RBFOX3: variants seen among roughly 807,000 people sequenced by gnomAD.
RBFOX3 encodes the protein RNA binding protein fox-1 homolog 3.
RBFOX3 carries 17 observed loss-of-function variants against 48.7 expected under a neutral mutation model. The observed-to-expected ratio is 0.35, with a 90% CI of 0.24 to 0.52. The LOEUF is 0.52. Among genes scored for constraint, RBFOX3 ranks in the 20% least tolerant of loss-of-function variants. The probability of loss-of-function intolerance (pLI) is 0.94; values close to 1 mark genes in which losing one functional copy is unlikely to be tolerated. For missense variants in RBFOX3, 382 were observed against 497.5 expected, an observed-to-expected ratio of 0.77 and a Z score of 2.21; for synonymous variants, 212 against 209.5, an observed-to-expected ratio of 1.01 and a Z score of -0.10.
chr17:79,463,895 T>C (rs2075957198), intron 2 of RBFOX3, among the ~76,000 whole-genome samples: 1 of 119,018 alleles, frequency 8.4e-6, no homozygotes, highest in Non-Finnish European at 1.7e-5. Context: ...ACCATCGCCA[T>C]CACCACTGCC....
chr17:79,412,277 C>A (rs189324109), intron 2 of RBFOX3, among the ~76,000 whole-genome samples: 5 of 148,268 alleles, frequency 3.4e-5, no homozygotes, highest in African/African-American at 7.5e-5. Flanking sequence ...GGTATGTGTG[C>A]GTGTATGAAC....
At chr17:79,658,725 G>A in the RBFOX3 span, among the ~76,000 whole-genome samples, 4 of 152,096 alleles carry the variant, frequency 2.6e-5, no homozygotes, top group Non-Finnish European at 1.5e-5. Flanking sequence ...ACCGAGTGCT[G>A]CACTGTCATC....
chr17:79,521,492 A>T (rs1763108681), intron 1 of RBFOX3, among the ~76,000 whole-genome samples: 1 of 152,008 alleles, frequency 6.6e-6, no homozygotes, highest in Non-Finnish European at 1.5e-5. Context: ...ATTCACACAC[A>T]CACGCAGATA....
At chr17:79,325,468 T>C (rs1301458188) in intron 2 of RBFOX3, among the ~76,000 whole-genome samples, 5 of 152,142 alleles carry the variant, frequency 3.3e-5, no homozygotes, top group Admixed American at 3.3e-4. Context: ...CCCAGTTAGT[T>C]ACATTTTCCC....
At chr17:79,178,681 G>C (rs1372583258) in intron 4 of RBFOX3, among the ~76,000 whole-genome samples, 1 of 152,232 alleles carries the variant, frequency 6.6e-6, no homozygotes, top group Non-Finnish European at 1.5e-5. Context: ...AGCTACTTCA[G>C]TAACCAAATG....
intron 1 of RBFOX3, among the ~76,000 whole-genome samples, chr17:79,499,755 G>A (rs2082129325): frequency 6.6e-6 from 1 of 152,238 alleles, no homozygotes; most frequent in Non-Finnish European, 1.5e-5. Context: ...CGTGTATCCA[G>A]AATGCTTGCT....
At chr17:79,266,609 G>A (rs1322157432) in intron 3 of RBFOX3, among the ~76,000 whole-genome samples, 1 of 152,052 alleles carries the variant, frequency 6.6e-6, no homozygotes, top group African/African-American at 2.4e-5. Flanking sequence ...ATGACTCTTG[G>A]TGGCCCCTAG....
chr17:79,594,887 G>T (rs2093527591), intron 1 of RBFOX3, among the ~76,000 whole-genome samples: 1 of 152,130 alleles, frequency 6.6e-6, no homozygotes, highest in East Asian at 1.9e-4. Context: ...AGCCTCCACT[G>T]GGAATTTCTG....
In RBFOX3 at chr17:79,188,751, G is replaced by T. The variant is rs2053910944; in HGVS notation, c.-34+47015C>A. Among the ~76,000 whole-genome samples the T allele has an allele frequency of 3.2e-5, 4 of 126,544 alleles. 1 individual carries two copies. In the South Asian group the frequency reaches 1.0e-3, roughly 32 times the overall value. 83.0% of individuals were successfully genotyped at this position (126,544 alleles called of 152,430 possible). On this transcript the variant is annotated intron_variant, in intron 4 of 14. Transcript: ENST00000693108. The stretch of plus-strand genomic sequence containing the variant: ...TCTCCCTTCTCCTCTTCTGTGGAAG[G>T]CGAGCGAGCTCTACACCGAGCAAAA...
chr17:79,303,800 C>T (rs1038869748), intron 3 of RBFOX3, among the ~76,000 whole-genome samples: 11 of 151,734 alleles, frequency 7.2e-5, no homozygotes, highest in Admixed American at 6.6e-5. Context: ...TATGTACCTG[C>T]GTGTGCGGTA....
At chr17:79,656,777 G>GAGAGAGAGAGACA in the RBFOX3 span, among the ~76,000 whole-genome samples, 596 of 101,226 alleles carry the variant, frequency 5.9e-3, 55 homozygotes, top group East Asian at 0.14. Context: ...AAGGAAGGAA[G>GAGAGAGAGAGACA]GAAAGAAAGA....
At chr17:79,533,595 G>A (rs763162876) in intron 1 of RBFOX3, among the ~76,000 whole-genome samples, 1 of 152,174 alleles carries the variant, frequency 6.6e-6, no homozygotes, top group Non-Finnish European at 1.5e-5. Context: ...AGGGTGCCCC[G>A]AGCATGAGGC....
intron 3 of RBFOX3, among the ~76,000 whole-genome samples, chr17:79,295,549 TGACTC>T (rs1352014531): frequency 6.6e-6 from 1 of 152,210 alleles, no homozygotes; most frequent in African/African-American, 2.4e-5. Context: ...GAGCAATGCC[TGACTC>T]AGGGTCTGAG....
intron 1 of RBFOX3, among the ~76,000 whole-genome samples, chr17:79,488,003 T>C (rs2079908221): frequency 6.6e-6 from 1 of 150,392 alleles, no homozygotes; most frequent in Admixed American, 6.6e-5. Context: ...GACGGGATGG[T>C]CTTCAGGCTC....
chr17:79,559,118 A>G (rs955628145), intron 1 of RBFOX3, among the ~76,000 whole-genome samples: 11,049 of 151,976 alleles, frequency 0.073, 869 homozygotes, highest in East Asian at 0.38. Context: ...CTAGCACATT[A>G]ATTGTTCTCA....
intron 1 of RBFOX3, chr17:79,599,963 G>A (rs1158945084): frequency 6.6e-6 from 1 of 152,264 alleles, no homozygotes; most frequent in Non-Finnish European, 1.5e-5. Flanking sequence ...GGGCCGAGGA[G>A]TGCTGGCATC....
the RBFOX3 span, among the ~76,000 whole-genome samples, chr17:79,653,991 T>A: frequency 6.6e-6 from 1 of 152,128 alleles, no homozygotes; most frequent in African/African-American, 2.4e-5. Flanking sequence ...GTTGTTTGGT[T>A]TGTCACCTGA....
rs1212313366 is a variant in RBFOX3 at position 79,473,262 on chromosome 17, A to T, written c.-175+9192T>A. Among the ~76,000 whole-genome samples, 3 of 152,188 alleles carry T rather than the reference A, an allele frequency of 2.0e-5. No homozygotes were observed. The highest frequency in any genetic ancestry group is 4.4e-5 in the Non-Finnish European group (3 of 68,038). ...ACAGACCTCACTTTGAGTAGCTGAGATATGGGTCATGTGAGACGTGTCCTC... is the reference window on the plus strand; with the variant it reads ...ACAGACCTCACTTTGAGTAGCTGAGTTATGGGTCATGTGAGACGTGTCCTC... On this transcript the variant is annotated intron_variant, in intron 2 of 14. Transcript: ENST00000693108. This position sits in a 1 kb window ranked among gnomAD's most constrained non-coding sequence, Gnocchi z 4.2.
At chr17:79,366,551 C>T (rs1211396047) in intron 2 of RBFOX3, among the ~76,000 whole-genome samples, 1 of 152,232 alleles carries the variant, frequency 6.6e-6, no homozygotes, top group Non-Finnish European at 1.5e-5. Context: ...TAGAGCACCA[C>T]TTCCCAGCTC....
Sources: gnomAD v4.1 joint callset for allele counts (sites outside exome capture counted in the v4.1 genomes callset) on GRCh38, gnomAD v4.1.1 for gene constraint, Gnocchi (gnomAD v3.1) non-coding constraint, MANE v1.5 for transcripts, NCBI Gene and HGNC (gene_info 2026-07-23, HGNC 2026-07-21) for gene names.